CCDC91: variants seen among roughly 807,000 people sequenced by gnomAD.
CCDC91 encodes coiled-coil domain containing 91.
In CCDC91, 48 loss-of-function variants were observed where a neutral mutation model predicts 63.2. That is an observed-to-expected ratio of 0.76 (90% CI 0.60 to 0.97). The LOEUF (loss-of-function observed/expected upper bound fraction) is 0.97. Among genes scored for constraint, CCDC91 ranks in the 50% least tolerant of loss-of-function variants. CCDC91 has a pLI of 0.00. For missense variants in CCDC91, 500 were observed against 494.6 expected, an observed-to-expected ratio of 1.01 and a Z score of -0.10; for synonymous variants, 167 against 165.8, an observed-to-expected ratio of 1.01 and a Z score of -0.06.
At chr12:28,303,173 G>GT (rs1938267135) in intron 3 of CCDC91, among the ~76,000 whole-genome samples, 2 of 152,098 alleles carry the variant, frequency 1.3e-5, no homozygotes, top group South Asian at 4.1e-4. Flanking sequence ...GATACAACAA[G>GT]TAGTATCTTA....
chr12:28,522,385 G>A (rs1026067516), intron 12 of CCDC91, among the ~76,000 whole-genome samples: 2 of 152,050 alleles, frequency 1.3e-5, no homozygotes, highest in African/African-American at 4.8e-5. Context: ...ATTCTCTGAT[G>A]GTAGTTTGTA....
chr12:28,270,413 G>T (rs6487672), intron 3 of CCDC91, among the ~76,000 whole-genome samples: 40,999 of 151,876 alleles, frequency 0.27, 5,975 homozygotes, highest in East Asian at 0.57. Context: ...TGATTTAGCT[G>T]GTTTGGAGGA....
At chr12:28,288,259 A>G (rs1331099549) in intron 3 of CCDC91, among the ~76,000 whole-genome samples, 2 of 152,174 alleles carry the variant, frequency 1.3e-5, no homozygotes, top group East Asian at 1.9e-4. Context: ...GGGATGAGAA[A>G]GGGCATCCTT....
At chr12:28,381,852 C>A (rs1945316347) in intron 7 of CCDC91, among the ~76,000 whole-genome samples, 1 of 152,024 alleles carries the variant, frequency 6.6e-6, no homozygotes, top group African/African-American at 2.4e-5. Flanking sequence ...TGGCTTTGTC[C>A]CTTCCTCTGA....
At chr12:28,276,139 A>T (rs984153693) in intron 3 of CCDC91, among the ~76,000 whole-genome samples, 2 of 152,100 alleles carry the variant, frequency 1.3e-5, no homozygotes, top group African/African-American at 4.8e-5. Context: ...GTAATTTATG[A>T]ATTTATATTC....
intron 12 of CCDC91, among the ~76,000 whole-genome samples, chr12:28,548,681 T>C (rs1461127679): frequency 6.6e-6 from 1 of 152,178 alleles, no homozygotes; most frequent in East Asian, 1.9e-4. Context: ...GATGTGATTA[T>C]GCTGTGTTTC....
At chr12:28,507,742 G>C (rs1466171757) in intron 12 of CCDC91, among the ~76,000 whole-genome samples, 1 of 151,928 alleles carries the variant, frequency 6.6e-6, no homozygotes, top group Non-Finnish European at 1.5e-5. Context: ...AGTCTTACCA[G>C]TTTGCCTTAG....
chr12:28,236,416 T>C (rs552047934), intron 1 of CCDC91: 6 of 152,218 alleles, frequency 3.9e-5, no homozygotes, highest in Admixed American at 2.6e-4. Flanking sequence ...TATTGTAATC[T>C]TTTTCTGTTT....
At chr12:28,368,293 C>T (rs576398730) in intron 7 of CCDC91, among the ~76,000 whole-genome samples, 1 of 152,222 alleles carries the variant, frequency 6.6e-6, no homozygotes, top group Admixed American at 6.5e-5. Flanking sequence ...CATATCCAAC[C>T]CATATTTTTC....
intron 10 of CCDC91, 112 bp from the exon 11 acceptor site, chr12:28,452,366 A>T (rs1253024952): frequency 1.6e-6 from 1 of 632,154 alleles, no homozygotes; most frequent in African/African-American, 1.9e-5. Flanking sequence ...GCAATGTTAG[A>T]ACTAAACACT....
chr12:28,300,003 A>C (rs1172385085), intron 3 of CCDC91, among the ~76,000 whole-genome samples: 1 of 151,200 alleles, frequency 6.6e-6, no homozygotes, highest in African/African-American at 2.4e-5. Context: ...TATACATATT[A>C]GTTTTTTTTC....
At chr12:28,406,094 A>G (rs1459120453) in intron 8 of CCDC91, among the ~76,000 whole-genome samples, 1 of 151,986 alleles carries the variant, frequency 6.6e-6, no homozygotes, top group Non-Finnish European at 1.5e-5. Context: ...TTTTTTCCTC[A>G]ATTTTTAAGT....
intron 8 of CCDC91, among the ~76,000 whole-genome samples, chr12:28,433,837 C>G (rs1396788292): frequency 6.6e-6 from 1 of 151,858 alleles, no homozygotes; most frequent in African/African-American, 2.4e-5. Context: ...GATTCATGAT[C>G]TCAGAATATT....
chr12:28,209,888 T>C (rs1216331570), intron 1 of CCDC91, among the ~76,000 whole-genome samples: 1 of 152,234 alleles, frequency 6.6e-6, no homozygotes, highest in Admixed American at 6.5e-5. Context: ...ACTTTGCATG[T>C]AAACCTATTT....
At chr12:28,507,409 C>G (rs1176512965) in intron 12 of CCDC91, among the ~76,000 whole-genome samples, 1 of 151,952 alleles carries the variant, frequency 6.6e-6, no homozygotes, top group Non-Finnish European at 1.5e-5. Context: ...CCAGTAGTAG[C>G]CACCCCCTAG....
rs114292328 is a variant in CCDC91 at position 28,262,223 on chromosome 12, C to T, written c.109+2781C>T. ...AAAGACTAATTTTCTCCTTTTTTCC[C>T]ACCTACCTGTATCTTAGCTGTCTAT... is the stretch of plus-strand genomic sequence containing the variant. On this transcript the variant is annotated intron_variant, in intron 3 of 12. Transcript: ENST00000536442. 5.8e-3 allele frequency among the ~76,000 whole-genome samples: 875 copies of T among 151,984 alleles called. 13 individuals carry two copies. The highest frequency in any genetic ancestry group is 0.02 in the African/African-American group (816 of 41,484).
chr12:28,254,018 T>TA (rs1441854312), intron 1 of CCDC91, among the ~76,000 whole-genome samples: 3 of 152,366 alleles, frequency 2.0e-5, no homozygotes, highest in Middle Eastern at 3.4e-3. Context: ...CCTTAACTGA[T>TA]ACAGAATTGC....
intron 1 of CCDC91, among the ~76,000 whole-genome samples, chr12:28,232,298 C>G (rs1363910578): frequency 6.6e-6 from 1 of 151,996 alleles, no homozygotes; most frequent in Non-Finnish European, 1.5e-5. Context: ...AGAGCACAAG[C>G]CTCTTACTGG....
At chr12:28,395,619 G>C (rs1007508139) in intron 8 of CCDC91, among the ~76,000 whole-genome samples, 1 of 152,148 alleles carries the variant, frequency 6.6e-6, no homozygotes, top group African/African-American at 2.4e-5. Flanking sequence ...TATGGGGAAG[G>C]AAGGAGCCTG....
Sources: allele counts gnomAD v4.1 joint callset (sites outside exome capture counted in the v4.1 genomes callset), GRCh38; gene constraint gnomAD v4.1.1; transcripts MANE v1.5; gene names NCBI Gene and HGNC (gene_info 2026-07-23, HGNC 2026-07-21).